ZNF426: variants seen among roughly 807,000 people sequenced by gnomAD.
The protein encoded by ZNF426 is CTC-543D15.7.
A neutral mutation model predicts 24.0 loss-of-function variants in ZNF426; 23 were observed. The observed-to-expected ratio is 0.96, with a 90% CI of 0.69 to 1.36. ZNF426 has a LOEUF of 1.36. Ranked by LOEUF, ZNF426 falls within the 40% of genes most tolerant of loss-of-function variation. The pLI, the probability that ZNF426 is intolerant of heterozygous loss-of-function variation, is 0.00. For synonymous variants in ZNF426, 272 were observed against 224.6 expected (o/e 1.21, Z -1.89); for missense variants, 646 against 658.4 (o/e 0.98, Z 0.21).
chr19:9,529,639 G>A lies in ZNF426; in HGVS notation c.409-3C>T. On this transcript the variant is annotated splice_region_variant and splice_polypyrimidine_tract_variant and intron_variant, in intron 7 of 7. Coordinates refer to ENST00000253115, the MANE Select transcript of ZNF426 (RefSeq NM_024106.3). ...TCCCTTCCATTGTGTTTTCCTTCCTGTTGAAGGGATGATGATGATTTAAGG... is the reference window on the plus strand; with the variant it reads ...TCCCTTCCATTGTGTTTTCCTTCCTATTGAAGGGATGATGATGATTTAAGG... 1 of 1,579,538 alleles carries A rather than the reference G, an allele frequency of 6.3e-7. No homozygotes were observed. The highest frequency in any genetic ancestry group is 8.5e-7 in the Non-Finnish European group (1 of 1,171,112).
At chr19:9,535,119 T>C in intron 4 of ZNF426, 69 bp downstream of exon 4, 3 of 1,091,456 alleles carry the variant, frequency 2.7e-6, no homozygotes, top group Non-Finnish European at 4.0e-6. Flanking sequence ...CAACTCTGCC[T>C]AGAGGGAAAT....
chr19:9,537,852 C>T (rs1272463104), intron 2 of ZNF426, among the ~76,000 whole-genome samples: 1 of 152,062 alleles, frequency 6.6e-6, no homozygotes, highest in East Asian at 1.9e-4. Flanking sequence ...CGGGGTTTCA[C>T]CATCTTAGCC....
intron 6 of ZNF426, 110 bp downstream of exon 6, chr19:9,532,735 C>A: frequency 4.1e-6 from 3 of 732,082 alleles, no homozygotes; most frequent in Non-Finnish European, 6.9e-6. Context: ...TTTCTCTAAA[C>A]CTTGGGGTTT....
chr19:9,529,713 AT>A (rs1371812916), intron 7 of ZNF426, 77 bp from the exon 8 acceptor site: 1 of 1,380,806 alleles, frequency 7.2e-7, no homozygotes. Flanking sequence ...AGCTAGAAAC[AT>A]TATAATGGTG....
chr19:9,532,264 A>ATTTTTCTT (rs1190166017), intron 6 of ZNF426, among the ~76,000 whole-genome samples: 1 of 144,742 alleles, frequency 6.9e-6, no homozygotes. Context: ...ATTTCTGGAA[A>ATTTTTCTT]TTTTTCTTTT....
rs760269277 is a variant in ZNF426 at position 9,531,030 on chromosome 19, A to G, written c.363T>C (p.Leu121=). The change falls in exon 7 of 8, where the codon CTT becomes CTC. Residue 121 remains leucine (L), a synonymous_variant. Transcript: ENST00000253115. ...EMRLETQWSI[L]QQDFLRGQTS... ...TCTGACCCCTCAAAAAGTCCTGCTG[A>G]AGTATAGACCACTGGGTTTCAAGTC... The G allele has an allele frequency of 1.2e-6, 2 of 1,614,140 alleles. No homozygotes were observed. The highest frequency in any genetic ancestry group is 1.7e-6 in the Non-Finnish European group (2 of 1,179,976).
At chr19:9,533,222 G>A (rs2073913672) in intron 5 of ZNF426, among the ~76,000 whole-genome samples, 1 of 151,664 alleles carries the variant, frequency 6.6e-6, no homozygotes, top group African/African-American at 2.4e-5. Flanking sequence ...GAGGCAGGTG[G>A]ATCACTTGAG....
At chr19:9,532,358 G>A (rs940418648) in intron 6 of ZNF426, among the ~76,000 whole-genome samples, 1 of 148,058 alleles carries the variant, frequency 6.8e-6, no homozygotes, top group Non-Finnish European at 1.5e-5. Context: ...GTACAGTGGT[G>A]CAATCACATC....
chr19:9,536,268 A>G lies in ZNF426; in HGVS notation c.-36T>C, dbSNP rs200205261. 793 of 1,614,190 alleles carry G rather than the reference A, an allele frequency of 4.9e-4. 11 individuals are homozygous for G. The South Asian group carries it at 6.7e-3, about 14-fold the overall frequency. On this transcript the variant is annotated 5_prime_UTR_variant, in exon 3 of 8. The change abolishes an upstream ATG in the 5' untranslated region. Coordinates refer to ENST00000253115, the MANE Select transcript of ZNF426 (RefSeq NM_024106.3). ...GAGAACGTGTCAGAACCCTCCTTTC[A>G]TTGATGTCACCATCACTTCAGGACA...
At chr19:9,530,252 A>G (rs1306527735) in intron 7 of ZNF426, among the ~76,000 whole-genome samples, 1 of 152,146 alleles carries the variant, frequency 6.6e-6, no homozygotes, top group Non-Finnish European at 1.5e-5. Context: ...CAGGAATTAG[A>G]GACCAGCCTG....
At position 9,535,343 on chromosome 19, in the gene ZNF426, A is replaced by G. The variant is rs1482654402; in HGVS notation, c.26-64T>C. 1.9e-5 allele frequency: 22 copies of G among 1,184,918 alleles called. No homozygotes were observed. The South Asian group carries it at 2.6e-4, about 14-fold the overall frequency. 73.4% of individuals were successfully genotyped at this position (1,184,918 alleles called of 1,614,324 possible). A position where few individuals can be genotyped will look rare whatever the true frequency, so the allele number is the denominator to read the frequency against. On this transcript the variant is annotated intron_variant, in intron 3 of 7. Transcript: ENST00000253115. ...ATAATCCCCACATCCACCTACCTAGAGGTCATTACCTCCTAGTATGAAATT... is the reference window on the plus strand; with the variant it reads ...ATAATCCCCACATCCACCTACCTAGGGGTCATTACCTCCTAGTATGAAATT...
Position 9,528,028 on chromosome 19 carries a change from G to T in ZNF426, c.*352C>A. On this transcript the variant is annotated 3_prime_UTR_variant, in exon 8 of 8. Transcript: ENST00000253115. ...TTTTGAGATGGAGTCTCACTCCATC[G>T]CCCAGGCTGGAGTGCAGTGGCATGA... 6.6e-6 allele frequency: 1 copy of T among 152,588 alleles called. No homozygotes were observed. Among genetic ancestry groups the T allele is most frequent in the Non-Finnish European group, 1.4e-5 (1 of 72,340 alleles). The allele number at this position is 152,588 out of a possible 1,614,324, so 9.5% of individuals were successfully genotyped here. A position where few individuals can be genotyped will look rare whatever the true frequency, so the allele number is the denominator to read the frequency against.
Position 9,524,246 on chromosome 19 carries a change from GC to G in ZNF426, c.*4133del, listed in dbSNP as rs1264506254. On this transcript the variant is annotated 3_prime_UTR_variant, in exon 8 of 8. Coordinates refer to ENST00000253115, the MANE Select transcript of ZNF426 (RefSeq NM_024106.3). ...GTATCAGTCCTATGGATTAAATGAA[GC>G]CTTTCCCATATTTTCCATTTACATA... The G allele has an allele frequency of 6.6e-6, 1 of 152,204 alleles. No homozygotes were observed. The highest frequency in any genetic ancestry group is 1.5e-5 in the Non-Finnish European group (1 of 68,046). The allele number at this position is 152,204 out of a possible 1,614,324, so 9.4% of individuals were successfully genotyped here. A position where few individuals can be genotyped will look rare whatever the true frequency, so the allele number is the denominator to read the frequency against.
At position 9,529,598 on chromosome 19, in the gene ZNF426, CTCACAG is replaced by C. The variant is rs750655749; in HGVS notation, c.441_446del (p.Asp147_Cys148del). ...GTTCACTGAAGACTTCTCCACATTG[CTCACAG>C]TCACAGAGTTCCCTTCCATTGTGTT... On this transcript the variant is annotated inframe_deletion, in exon 8 of 8. Transcript: ENST00000253115. 12 of 1,603,516 alleles carry C rather than the reference CTCACAG, an allele frequency of 7.5e-6. No homozygotes were observed. Among genetic ancestry groups the C allele is most frequent in the Admixed American group, 5.1e-5 (3 of 59,370 alleles).
rs953244757 is a variant in ZNF426 at position 9,526,142 on chromosome 19, T to C, written c.*2238A>G. ...AGACTGACATCTAATCCCTGGACAA[T>C]AGAATGCTGCCCCTCTCCCCACAGC... is the stretch of plus-strand genomic sequence containing the variant. On this transcript the variant is annotated 3_prime_UTR_variant, in exon 8 of 8. Coordinates refer to ENST00000253115, the MANE Select transcript of ZNF426 (RefSeq NM_024106.3). 6.6e-6 allele frequency: 1 copy of C among 151,288 alleles called. No individual in the cohort carries two copies. Among genetic ancestry groups the C allele is most frequent in the Non-Finnish European group, 1.5e-5 (1 of 67,962 alleles). The allele number at this position is 151,288 out of a possible 1,614,324, so 9.4% of individuals were successfully genotyped here. A position where few individuals can be genotyped will look rare whatever the true frequency, so the allele number is the denominator to read the frequency against.
chr19:9,536,186 T>G (rs2042199), intron 3 of ZNF426, 22 bp downstream of exon 3: 171,340 of 1,613,496 alleles, frequency 0.11, 13,487 homozygotes, highest in African/African-American at 0.39. Flanking sequence ...CAGGATATCC[T>G]AAAAAGAGCA....
At chr19:9,533,067 C>T (rs1351890857) in intron 5 of ZNF426, 142 bp from the exon 6 acceptor site, 4 of 683,702 alleles carry the variant, frequency 5.9e-6, no homozygotes, top group Non-Finnish European at 1.0e-5. Context: ...TCTGACTGTG[C>T]CCCAAACAGT....
At position 9,529,431 on chromosome 19, in the gene ZNF426, A is replaced by G. The variant is rs374296944; in HGVS notation, c.614T>C (p.Ile205Thr). 2 of 1,613,566 alleles carry G rather than the reference A, an allele frequency of 1.2e-6. No homozygotes were observed. Among genetic ancestry groups the G allele is most frequent in the Non-Finnish European group, 1.7e-6 (2 of 1,179,916 alleles). The change falls in exon 8 of 8, where the codon ATC becomes ACC. Residue 205 changes from isoleucine (I) to threonine (T), a missense_variant. Coordinates refer to ENST00000253115, the MANE Select transcript of ZNF426 (RefSeq NM_024106.3). ...TACAATATTTGGTGTCAGGCTGAAG[A>G]TTTTTTCACTCTGATTAAACTCAGA... is the stretch of plus-strand genomic sequence containing the variant. ...KLSEFNQSEK[I>T]FSLTPNIVYQ...
At chr19:9,536,998 T>C (rs900411697) in intron 2 of ZNF426, among the ~76,000 whole-genome samples, 2 of 151,808 alleles carry the variant, frequency 1.3e-5, no homozygotes, top group Non-Finnish European at 2.9e-5. Context: ...CCGGGCGTGG[T>C]GTGCGGCTGT....
Sources: allele counts gnomAD v4.1 joint callset (sites outside exome capture counted in the v4.1 genomes callset), GRCh38; gene constraint gnomAD v4.1.1; transcripts MANE v1.5; gene names NCBI Gene and HGNC (gene_info 2026-07-23, HGNC 2026-07-21).